The following CYTH3 variants were observed in gnomAD, a reference collection of about 807,000 sequenced individuals.
CYTH3 encodes cytohesin-3.
In CYTH3, 23 loss-of-function variants were observed where a neutral mutation model predicts 55.1. The observed-to-expected ratio is 0.42, with a 90% confidence interval of 0.30 to 0.59. The LOEUF is 0.59. CYTH3 is among the 20% of genes least tolerant of loss of function. The pLI is 0.20. For synonymous variants in CYTH3, 249 were observed against 194.9 expected (o/e 1.28, Z -2.31); for missense variants, 413 against 524.8 (o/e 0.79, Z 2.08).
intron 1 of CYTH3, among the ~76,000 whole-genome samples, chr7:6,196,182 C>G (rs1783921735): frequency 6.6e-6 from 1 of 152,128 alleles, no homozygotes; most frequent in Non-Finnish European, 1.5e-5. Flanking sequence ...CAGCCTAGCT[C>G]CACCTGACAT....
chr7:6,216,066 G>A (rs1334931630), intron 1 of CYTH3, among the ~76,000 whole-genome samples: 2 of 152,092 alleles, frequency 1.3e-5, no homozygotes, highest in Admixed American at 1.3e-4. Context: ...TAACTAGAAG[G>A]GAAATGATCA....
At chr7:6,175,348 T>C (rs905342833) in intron 5 of CYTH3, among the ~76,000 whole-genome samples, 5 of 152,156 alleles carry the variant, frequency 3.3e-5, no homozygotes, top group African/African-American at 1.2e-4. Flanking sequence ...TCTGATGAAG[T>C]AGAGTCTACC....
At chr7:6,177,694 T>A in intron 5 of CYTH3, 129 bp downstream of exon 5, 1 of 705,654 alleles carries the variant, frequency 1.4e-6, no homozygotes, top group South Asian at 1.8e-5. Flanking sequence ...GACGGGCATG[T>A]GGATGCCCAC....
At chr7:6,215,710 TAAAC>T (rs1211050775) in intron 1 of CYTH3, among the ~76,000 whole-genome samples, 6 of 151,910 alleles carry the variant, frequency 3.9e-5, no homozygotes, top group Non-Finnish European at 8.8e-5. Flanking sequence ...TTCAAGAGGC[TAAAC>T]AAACTTGAAA....
intron 1 of CYTH3, among the ~76,000 whole-genome samples, chr7:6,220,649 G>C (rs116268344): frequency 6.6e-6 from 1 of 151,538 alleles, no homozygotes; most frequent in Non-Finnish European, 1.5e-5. Context: ...TTGCTGGTGG[G>C]AACATAAAAT....
At chr7:6,187,585 G>A (rs1020493966) in intron 3 of CYTH3, 72 bp downstream of exon 3, 9 of 1,373,612 alleles carry the variant, frequency 6.6e-6, no homozygotes, top group Non-Finnish European at 9.4e-6. Context: ...CCCACTTTCT[G>A]CAAGTTTGAC....
chr7:6,259,775 TATATATATAATATATATATATA>T lies in CYTH3; in HGVS notation c.34+12677_34+12698del, dbSNP rs1562417590. Among the ~76,000 whole-genome samples the T allele has an allele frequency of 1.3e-3, 30 of 23,120 alleles. 1 individual carries two copies. Among genetic ancestry groups the T allele is most frequent in the Admixed American group, 3.1e-3 (4 of 1,284 alleles). The allele number at this position is 23,120 out of a possible 152,430, so 15.2% of individuals were successfully genotyped here. A position where few individuals can be genotyped will look rare whatever the true frequency, so the allele number is the denominator to read the frequency against. On this transcript the variant is annotated intron_variant, in intron 1 of 12. Coordinates refer to ENST00000350796, the MANE Select transcript of CYTH3 (RefSeq NM_004227.4). The stretch of plus-strand genomic sequence containing the variant: ...ATATATATTATATATATATATATTA[TATATATATAATATATATATATA>T]TATATATATATATATAATATATATA...
intron 1 of CYTH3, among the ~76,000 whole-genome samples, chr7:6,202,067 T>C (rs758032608): frequency 1.3e-5 from 2 of 152,220 alleles, no homozygotes; most frequent in Non-Finnish European, 2.9e-5. Flanking sequence ...GGAAGTCTAT[T>C]TCCCAGTGTT....
At position 6,169,636 on chromosome 7, in the gene CYTH3, A is replaced by G. The variant is rs1012194099; in HGVS notation, c.823+899T>C. The stretch of plus-strand genomic sequence containing the variant: ...GCATCTCGCCCGCTTCACTGTGGGC[A>G]TAAGGCAACCATCCCCGCCCCGCAG... On this transcript the variant is annotated intron_variant, in intron 9 of 12. Coordinates refer to ENST00000350796, the MANE Select transcript of CYTH3 (RefSeq NM_004227.4). This position sits in a 1 kb window ranked among gnomAD's most constrained non-coding sequence, Gnocchi z 4.1. Among the ~76,000 whole-genome samples the G allele has an allele frequency of 2.0e-5, 3 of 152,222 alleles. No homozygotes were observed. Among genetic ancestry groups the G allele is most frequent in the African/African-American group, 7.2e-5 (3 of 41,464 alleles).
At chr7:6,183,938 A>G (rs1783570477) in intron 4 of CYTH3, among the ~76,000 whole-genome samples, 1 of 151,844 alleles carries the variant, frequency 6.6e-6, no homozygotes. Flanking sequence ...CTAGCAAGCC[A>G]GGAAGAGAGC....
chr7:6,250,316 AAAT>A (rs1442282096), intron 1 of CYTH3, among the ~76,000 whole-genome samples: 18 of 152,220 alleles, frequency 1.2e-4, no homozygotes, highest in African/African-American at 4.1e-4. Context: ...GTGGTCCTTC[AAAT>A]AATACGGGTT....
At chr7:6,267,472 T>G (rs938929490) in intron 1 of CYTH3, among the ~76,000 whole-genome samples, 1 of 152,230 alleles carries the variant, frequency 6.6e-6, no homozygotes, top group African/African-American at 2.4e-5. Flanking sequence ...GAAAAATAGG[T>G]AACATTTTAT....
intron 1 of CYTH3, among the ~76,000 whole-genome samples, chr7:6,252,595 G>A (rs1026903618): frequency 2.0e-5 from 3 of 151,942 alleles, no homozygotes; most frequent in Non-Finnish European, 4.4e-5. Context: ...AGTTTGCTGT[G>A]CCCATCACCG....
intron 1 of CYTH3, among the ~76,000 whole-genome samples, chr7:6,194,409 C>T (rs1417932277): frequency 1.3e-5 from 2 of 152,178 alleles, no homozygotes; most frequent in African/African-American, 4.8e-5. Context: ...CCAGCCACTG[C>T]ATCCCAGCCT....
Position 6,163,751 on chromosome 7 carries a change from G to T in CYTH3, c.*1193C>A, listed in dbSNP as rs1424966264. 1 of 152,206 alleles carries T rather than the reference G, an allele frequency of 6.6e-6. No homozygotes were observed. The highest frequency in any genetic ancestry group is 1.5e-5 in the Non-Finnish European group (1 of 68,034). The allele number at this position is 152,206 out of a possible 1,614,324, so 9.4% of individuals were successfully genotyped here. On this transcript the variant is annotated 3_prime_UTR_variant, in exon 13 of 13. Coordinates refer to ENST00000350796, the MANE Select transcript of CYTH3 (RefSeq NM_004227.4). ...CTCGTAGGGAGGGCACCTCTCTCAG[G>T]ACACGGCGCACTACATGGGGTGAGA...
chr7:6,176,996 G>A (rs1381478030), intron 5 of CYTH3, among the ~76,000 whole-genome samples: 1 of 152,238 alleles, frequency 6.6e-6, no homozygotes, highest in Non-Finnish European at 1.5e-5. Flanking sequence ...TCCTTTATGT[G>A]AAAGATACAT....
intron 1 of CYTH3, among the ~76,000 whole-genome samples, chr7:6,251,523 G>A (rs1356670929): frequency 6.6e-6 from 1 of 152,018 alleles, no homozygotes; most frequent in Non-Finnish European, 1.5e-5. Flanking sequence ...GTTCATGGCG[G>A]CGCAGACAGA....
intron 1 of CYTH3, among the ~76,000 whole-genome samples, chr7:6,199,004 C>T (rs899363773): frequency 6.6e-6 from 1 of 152,312 alleles, no homozygotes; most frequent in Non-Finnish European, 1.5e-5. Flanking sequence ...GCAGCACATA[C>T]GGTTTCAACA....
rs6977296 is a variant in CYTH3 at position 6,215,356 on chromosome 7, C to A, written c.35-24825G>T. Among the ~76,000 whole-genome samples the A allele has an allele frequency of 5.9e-5, 9 of 152,180 alleles. No individual in the cohort carries two copies. The East Asian group carries it at 1.7e-3, about 29-fold the overall frequency. ...CTGTAATCCCAGAACTTTGGGATGC[C>A]GAGGCGGGCGGATCACGAGGTCAGG... On this transcript the variant is annotated intron_variant, in intron 1 of 12. Coordinates refer to ENST00000350796, the MANE Select transcript of CYTH3 (RefSeq NM_004227.4).
Sources: gnomAD v4.1 joint callset for allele counts (sites outside exome capture counted in the v4.1 genomes callset) on GRCh38, gnomAD v4.1.1 for gene constraint, Gnocchi (gnomAD v3.1) non-coding constraint, MANE v1.5 for transcripts, NCBI Gene and HGNC (gene_info 2026-07-23, HGNC 2026-07-21) for gene names.